The following FAM13C variants were observed in gnomAD, a reference collection of about 807,000 sequenced individuals.
FAM13C encodes the protein family with sequence similarity 13 member C.
In FAM13C, 37 loss-of-function variants were observed where a neutral mutation model predicts 73.2. The observed-to-expected ratio is 0.51, with a 90% CI of 0.39 to 0.67. The LOEUF (loss-of-function observed/expected upper bound fraction) is 0.67, where lower values mean the gene tolerates loss of function less well. Among genes scored for constraint, FAM13C ranks in the 30% least tolerant of loss-of-function variants. The pLI is 0.00. For missense variants in FAM13C, 589 were observed against 715.6 expected (o/e 0.82, Z 2.02); for synonymous variants, 246 against 260.9 (o/e 0.94, Z 0.55).
intron 13 of FAM13C, 162 bp from the exon 14 acceptor site, chr10:59,247,899 C>G (rs967536732): frequency 8.0e-6 from 5 of 624,808 alleles, no homozygotes; most frequent in Non-Finnish European, 1.3e-5. Context: ...CTCCTTCTTC[C>G]ATGTGTTACT....
At chr10:59,267,988 A>G (rs944279684) in intron 8 of FAM13C, among the ~76,000 whole-genome samples, 3 of 152,208 alleles carry the variant, frequency 2.0e-5, no homozygotes, top group African/African-American at 4.8e-5. Context: ...GCAGTGCAGT[A>G]CTAGCATGAA....
chr10:59,352,076 T>C (rs1052647637), intron 3 of FAM13C, among the ~76,000 whole-genome samples, 194 bp downstream of exon 3: 2 of 152,116 alleles, frequency 1.3e-5, no homozygotes, highest in Non-Finnish European at 2.9e-5. Context: ...GGGCACCAAA[T>C]TATTAGCCGG....
chr10:59,269,578 T>C (rs1843466871), intron 7 of FAM13C, among the ~76,000 whole-genome samples: 1 of 152,170 alleles, frequency 6.6e-6, no homozygotes, highest in African/African-American at 2.4e-5. Flanking sequence ...GGAAAGAATA[T>C]TGAGTTCATC....
intron 4 of FAM13C, among the ~76,000 whole-genome samples, chr10:59,308,360 C>T (rs904722769): frequency 1.2e-4 from 18 of 151,932 alleles, no homozygotes; most frequent in Non-Finnish European, 2.1e-4. Context: ...TCACCCACCA[C>T]CACCACTACC....
intron 4 of FAM13C, chr10:59,323,546 T>C (rs1197561637): frequency 5.5e-6 from 1 of 183,344 alleles, no homozygotes; most frequent in Non-Finnish European, 1.2e-5. Context: ...TTAATATGTT[T>C]CAGACTATGA....
At position 59,361,020 on chromosome 10, in the gene FAM13C, C is replaced by T. The variant is rs1266669443; in HGVS notation, c.62+1379G>A. The T allele has an allele frequency of 7.8e-6, 10 of 1,289,012 alleles. 1 individual carries two copies. The highest frequency in any genetic ancestry group is 1.0e-5 in the Non-Finnish European group (10 of 988,744). The allele number at this position is 1,289,012 out of a possible 1,614,324, so 79.8% of individuals were successfully genotyped here. On this transcript the variant is annotated intron_variant, in intron 1 of 13. Coordinates refer to ENST00000618804, the MANE Select transcript of FAM13C (RefSeq NM_198215.4). ...TTTAAGCACAGCAAAGGGAGGAGAG[C>T]AGTACCTGTGCACCTGGAGCAGGAA...
intron 5 of FAM13C, among the ~76,000 whole-genome samples, chr10:59,298,248 C>A (rs1847150416): frequency 6.6e-6 from 1 of 152,152 alleles, no homozygotes; most frequent in Non-Finnish European, 1.5e-5. Context: ...ATAAGGAATC[C>A]ATGTAAGGCC....
chr10:59,350,506 A>T lies in FAM13C; in HGVS notation c.324+1764T>A, dbSNP rs557707299. ...TTGGGGAACCTGTGCCCTCCCCAGC[A>T]TGACTCTCCTAATTAGTTAGGTGCT... is the stretch of plus-strand genomic sequence containing the variant. On this transcript the variant is annotated intron_variant, in intron 3 of 13. Coordinates refer to ENST00000618804, the MANE Select transcript of FAM13C (RefSeq NM_198215.4). 5.9e-5 allele frequency among the ~76,000 whole-genome samples: 9 copies of T among 152,312 alleles called. No homozygotes were observed. The South Asian group carries it at 1.9e-3, about 32-fold the overall frequency.
intron 5 of FAM13C, among the ~76,000 whole-genome samples, chr10:59,302,053 G>T (rs1165469155): frequency 6.6e-6 from 1 of 151,950 alleles, no homozygotes; most frequent in Non-Finnish European, 1.5e-5. Context: ...TCTCTTTTTG[G>T]CATCTGATCA....
intron 4 of FAM13C, among the ~76,000 whole-genome samples, chr10:59,317,881 C>T (rs1164887108): frequency 6.6e-6 from 1 of 151,966 alleles, no homozygotes; most frequent in Non-Finnish European, 1.5e-5. Context: ...TCTCCTAATG[C>T]TATCCCTCCC....
intron 5 of FAM13C, among the ~76,000 whole-genome samples, chr10:59,284,396 C>T (rs901860712): frequency 5.3e-5 from 8 of 152,000 alleles, no homozygotes; most frequent in Non-Finnish European, 1.0e-4. Flanking sequence ...CTCTTCTGTC[C>T]TCCCAGCTCC....
At chr10:59,282,655 T>G (rs1008482401) in intron 6 of FAM13C, 1 of 152,158 alleles carries the variant, frequency 6.6e-6, no homozygotes, top group Non-Finnish European at 1.5e-5. Flanking sequence ...TTTGTTATGT[T>G]AGAAAACATA....
At position 59,255,006 on chromosome 10, in the gene FAM13C, G is replaced by A. The variant is rs190254272; in HGVS notation, c.1237-563C>T. Among the ~76,000 whole-genome samples the A allele has an allele frequency of 8.6e-4, 131 of 152,178 alleles. 3 individuals carry two copies. Among genetic ancestry groups the A allele is most frequent in the Non-Finnish European group, 1.3e-3 (90 of 67,992 alleles). On this transcript the variant is annotated intron_variant, in intron 10 of 13. Transcript: ENST00000618804. ...TGATTTTTGGAGGAGTCTGAAATGC[G>A]TAAGTGTTAAGGAACCTCTTCCTTA...
intron 3 of FAM13C, among the ~76,000 whole-genome samples, chr10:59,336,454 C>G (rs1454884280): frequency 6.6e-6 from 1 of 152,152 alleles, no homozygotes; most frequent in Non-Finnish European, 1.5e-5. Flanking sequence ...GACCACTGCT[C>G]ACGGCTCAGA....
rs1182035553 is a variant in FAM13C at position 59,254,509 on chromosome 10, CAGACAAA to C, written c.1237-73_1237-67del. ...AGAATGAAAACGTCAACATTTTTAG[CAGACAAA>C]AAGCCTCAAAGTAAAGGATTATAAT... On this transcript the variant is annotated intron_variant, in intron 10 of 13. Transcript: ENST00000618804. 8.8e-6 allele frequency: 8 copies of C among 905,760 alleles called. No homozygotes were observed. In the East Asian group the frequency reaches 2.0e-4, roughly 22 times the overall value. The allele number at this position is 905,760 out of a possible 1,614,324, so 56.1% of individuals were successfully genotyped here. A position where few individuals can be genotyped will look rare whatever the true frequency, so the allele number is the denominator to read the frequency against.
At chr10:59,290,021 C>G (rs1846038120) in intron 5 of FAM13C, among the ~76,000 whole-genome samples, 1 of 152,188 alleles carries the variant, frequency 6.6e-6, no homozygotes, top group Non-Finnish European at 1.5e-5. Flanking sequence ...CCCTGCTGCT[C>G]CAACTATCCC....
intron 6 of FAM13C, among the ~76,000 whole-genome samples, chr10:59,276,902 T>C (rs1489550587): frequency 6.6e-6 from 1 of 152,208 alleles, no homozygotes; most frequent in Admixed American, 6.5e-5. Context: ...AAGAGATTAA[T>C]GTCTGTCTTT....
At chr10:59,303,081 C>T (rs934233703) in intron 4 of FAM13C, among the ~76,000 whole-genome samples, 5 of 152,200 alleles carry the variant, frequency 3.3e-5, no homozygotes, top group South Asian at 2.1e-4. Context: ...CTACCACTCT[C>T]ACCCTTGTTC....
chr10:59,266,570 A>T (rs7901699), intron 8 of FAM13C, among the ~76,000 whole-genome samples: 35,096 of 152,074 alleles, frequency 0.23, 5,443 homozygotes, highest in African/African-American at 0.44. Flanking sequence ...AGGTTCTGAT[A>T]ATAACAAAGA....
Sources: gnomAD v4.1 joint callset for allele counts (sites outside exome capture counted in the v4.1 genomes callset) on GRCh38, gnomAD v4.1.1 for gene constraint, MANE v1.5 for transcripts, NCBI Gene and HGNC (gene_info 2026-07-23, HGNC 2026-07-21) for gene names.